The following SI variants were observed in gnomAD, a reference collection of about 807,000 sequenced individuals.
SI encodes sucrase-isomaltase, intestinal.
A neutral mutation model predicts 253.3 loss-of-function variants in SI; 235 were observed. The ratio of observed to expected loss-of-function variants is 0.93; its 90% CI spans 0.83 to 1.03. The LOEUF is 1.03. Ranked by LOEUF, SI falls within the 50% of genes least tolerant of loss-of-function variation. The pLI, the probability that SI is intolerant of heterozygous loss-of-function variation, is 0.00. For synonymous variants in SI, 819 were observed against 712.0 expected (o/e 1.15, Z -2.39); for missense variants, 2,442 against 2,211.1 (o/e 1.10, Z -2.09).
intron 9 of SI, 64 bp from the exon 10 acceptor site, chr3:165,060,091 A>C (rs1713913763): frequency 7.2e-7 from 1 of 1,383,458 alleles, no homozygotes; most frequent in Admixed American, 1.7e-5. Flanking sequence ...TTAATAACCA[A>C]GGTTAATGTG....
In SI at chr3:164,996,757, C is replaced by T. The variant is rs1217919736; in HGVS notation, c.4556G>A (p.Ser1519Asn). Residue 1519 changes from serine (S) to asparagine (N), a missense_variant, in exon 39 of 48, where the codon AGT (serine) becomes AAT (asparagine). Ser to Asn is a conservative substitution (Grantham distance 46). Transcript: ENST00000264382. ...DKSIIGMMEFSLFGMSYTGAD... is the reference protein window; with the variant it reads ...DKSIIGMMEFNLFGMSYTGAD... ...ACTTACATATGACATTCCAAACAGA[C>T]TAAATTCCATCATACCTGAAAAAGT... 4.7e-6 allele frequency: 5 copies of T among 1,059,590 alleles called. No homozygotes were observed. The highest frequency in any genetic ancestry group is 7.1e-6 in the Non-Finnish European group (5 of 699,716). The allele number at this position is 1,059,590 out of a possible 1,614,324, so 65.6% of individuals were successfully genotyped here. A position where few individuals can be genotyped will look rare whatever the true frequency, so the allele number is the denominator to read the frequency against.
chr3:165,018,061 T>C lies in SI; in HGVS notation c.3429A>G (p.Lys1143=). 1 of 1,583,240 alleles carries C rather than the reference T, an allele frequency of 6.3e-7. No individual in the cohort carries two copies. Among genetic ancestry groups the C allele is most frequent in the Non-Finnish European group, 8.7e-7 (1 of 1,152,286 alleles). Residue 1143 remains lysine (K), a synonymous_variant, in exon 29 of 48, where the codon AAA becomes AAG. Coordinates refer to ENST00000264382, the MANE Select transcript of SI (RefSeq NM_001041.4). ...AGGGATGAAATCCATAGGAATTAAG[T>C]TTGTACTGAAATACGAAAAATAAGC... ...MFTRDQPPGY[K]LNSYGFHPYY...
Position 164,994,182 on chromosome 3 carries a change from C to T in SI, c.4841+75G>A, listed in dbSNP as rs1576872787. 3.1e-6 allele frequency: 4 copies of T among 1,310,520 alleles called. No homozygotes were observed. In the East Asian group the frequency reaches 7.1e-5, roughly 23 times the overall value. 81.2% of individuals were successfully genotyped at this position (1,310,520 alleles called of 1,614,324 possible). A position where few individuals can be genotyped will look rare whatever the true frequency, so the allele number is the denominator to read the frequency against. ...TGCCAATCTAAAATATTTTATATTG[C>T]ACTATAAGAGATCATTGGGTAAATT... is the stretch of plus-strand genomic sequence containing the variant. On this transcript the variant is annotated intron_variant, in intron 41 of 47. Coordinates refer to ENST00000264382, the MANE Select transcript of SI (RefSeq NM_001041.4).
chr3:165,008,614 G>T (rs1439960151), intron 35 of SI, among the ~76,000 whole-genome samples: 1 of 151,890 alleles, frequency 6.6e-6, no homozygotes, highest in Non-Finnish European at 1.5e-5. Flanking sequence ...GATGTTCCAT[G>T]AATTTTTAAA....
intron 26 of SI, 126 bp downstream of exon 26, chr3:165,023,444 T>A: frequency 1.4e-6 from 1 of 736,438 alleles, no homozygotes; most frequent in Non-Finnish European, 2.2e-6. Flanking sequence ...AATATTTTTA[T>A]AAAATCAAAA....
intron 25 of SI, among the ~76,000 whole-genome samples, chr3:165,029,222 A>G (rs1164551279): frequency 6.6e-6 from 1 of 151,276 alleles, no homozygotes; most frequent in Non-Finnish European, 1.5e-5. Flanking sequence ...AATTAAAACA[A>G]CAATGTAATA....
chr3:164,998,797 C>T (rs1055756017), intron 37 of SI, 124 bp from the exon 38 acceptor site: 4 of 809,726 alleles, frequency 4.9e-6, no homozygotes, highest in Non-Finnish European at 8.2e-6. Flanking sequence ...TTTATTACAA[C>T]TGGCTCTTGA....
At chr3:165,053,853 T>C (rs181610863) in intron 13 of SI, among the ~76,000 whole-genome samples, 1 of 152,214 alleles carries the variant, frequency 6.6e-6, no homozygotes, top group Admixed American at 6.6e-5. Context: ...GGTTAAATAA[T>C]ATAAGAACTA....
chr3:164,988,401 C>A (rs937961237), intron 44 of SI, among the ~76,000 whole-genome samples: 1 of 152,124 alleles, frequency 6.6e-6, no homozygotes, highest in Non-Finnish European at 1.5e-5. Context: ...AATTTCCCAA[C>A]ATATACTAAA....
chr3:165,046,430 ATT>A (rs1010755312), intron 16 of SI, among the ~76,000 whole-genome samples: 117 of 152,050 alleles, frequency 7.7e-4, no homozygotes, highest in African/African-American at 2.6e-3. Context: ...TTTTATATAT[ATT>A]GTAAACAAAA....
At chr3:165,043,965 A>C (rs565754232) in intron 16 of SI, among the ~76,000 whole-genome samples, 1 of 152,000 alleles carries the variant, frequency 6.6e-6, no homozygotes, top group Non-Finnish European at 1.5e-5. Flanking sequence ...TAATCCAAAA[A>C]TCCAAAATCT....
intron 3 of SI, among the ~76,000 whole-genome samples, chr3:165,071,627 A>G (rs904445332): frequency 6.6e-6 from 1 of 152,018 alleles, no homozygotes; most frequent in South Asian, 2.1e-4. Flanking sequence ...GTATTTGGAG[A>G]TAGGTCCTTT....
At position 165,062,230 on chromosome 3, in the gene SI, C is replaced by A. The variant is rs551624114; in HGVS notation, c.1020+141G>T. ...AGGGGAAAAAAAAAACACCCAGCTG[C>A]ATCTTAAATATGATAAGATTTTCGA... On this transcript the variant is annotated intron_variant, in intron 9 of 47. Coordinates refer to ENST00000264382, the MANE Select transcript of SI (RefSeq NM_001041.4). 14 of 613,824 alleles carry A rather than the reference C, an allele frequency of 2.3e-5. No individual in the cohort carries two copies. The South Asian group carries it at 2.7e-4, about 12-fold the overall frequency. 38.0% of individuals were successfully genotyped at this position (613,824 alleles called of 1,614,324 possible).
At chr3:165,068,920 A>G (rs1714399599) in intron 4 of SI, 89 bp from the exon 5 acceptor site, 2 of 1,018,326 alleles carry the variant, frequency 2.0e-6, no homozygotes, top group African/African-American at 1.6e-5. Flanking sequence ...ATTTACCACA[A>G]ATGAGTACTT....
chr3:165,030,776 C>G lies in SI; in HGVS notation c.2828G>C (p.Cys943Ser), dbSNP rs375113759. 41 of 1,594,198 alleles carry G rather than the reference C, an allele frequency of 2.6e-5. No individual in the cohort carries two copies. In the African/African-American group the frequency reaches 5.6e-4, roughly 22 times the overall value. The change falls in exon 25 of 48, where the codon TGT becomes TCT. Residue 943 changes from cysteine (C) to serine (S), a missense_variant. Physicochemically the swap from Cys to Ser is moderately radical, Grantham distance 112 (BLOSUM62 -1). Coordinates refer to ENST00000264382, the MANE Select transcript of SI (RefSeq NM_001041.4). ...AGTTGCCAAATCTGCATCTGGATAACAATTAAATCTTTCATTTTCTGAGAA... is the reference window on the plus strand; with the variant it reads ...AGTTGCCAAATCTGCATCTGGATAAGAATTAAATCTTTCATTTTCTGAGAA... ...QIFSENERFN[C>S]YPDADLATEQ...
chr3:165,048,619 T>G (rs1313370274), intron 15 of SI, among the ~76,000 whole-genome samples: 1 of 149,390 alleles, frequency 6.7e-6, no homozygotes, highest in African/African-American at 2.5e-5. Flanking sequence ...TCATTCTTTT[T>G]TGTTTGTTTG....
intron 8 of SI, among the ~76,000 whole-genome samples, 154 bp from the exon 9 acceptor site, chr3:165,062,637 CAT>C (rs754878108): frequency 1.3e-5 from 2 of 151,834 alleles, no homozygotes; most frequent in Non-Finnish European, 2.9e-5. Context: ...GCAGGAATAA[CAT>C]AGGAAAAAAG....
intron 26 of SI, among the ~76,000 whole-genome samples, chr3:165,022,579 A>G (rs1433306799): frequency 7.3e-6 from 1 of 137,136 alleles, no homozygotes; most frequent in Non-Finnish European, 1.6e-5. Context: ...ACAATCTTCT[A>G]TGCTTTTGTG....
chr3:165,087,676 T>C, the SI span, among the ~76,000 whole-genome samples: 3 of 152,172 alleles, frequency 2.0e-5, no homozygotes, highest in Admixed American at 1.3e-4. Context: ...GGCATAAGTT[T>C]TATACTTTTT....
Sources: allele counts gnomAD v4.1 joint callset (sites outside exome capture counted in the v4.1 genomes callset), GRCh38; gene constraint gnomAD v4.1.1; transcripts MANE v1.5; gene names NCBI Gene and HGNC (gene_info 2026-07-23, HGNC 2026-07-21).